Variants in DHX37 observed in about 807,000 individuals in gnomAD.
DHX37 encodes probable ATP-dependent RNA helicase DHX37.
A neutral mutation model predicts 134.3 loss-of-function variants in DHX37; 52 were observed. The observed-to-expected ratio is 0.39, with a 90% confidence interval of 0.31 to 0.49. DHX37 has a LOEUF of 0.49. DHX37 is among the 20% of genes least tolerant of loss of function. DHX37 has a pLI of 0.93. For synonymous variants in DHX37, 634 were observed against 670.7 expected (o/e 0.95, Z 0.85); for missense variants, 1,344 against 1,580.8 (o/e 0.85, Z 2.54).
intron 11 of DHX37, 37 bp from the exon 12 acceptor site, chr12:124,966,915 G>A: frequency 6.2e-7 from 1 of 1,613,326 alleles, no homozygotes; most frequent in Non-Finnish European, 8.5e-7. Context: ...AGGCGTCTGT[G>A]GCCGGCGTGG....
intron 25 of DHX37, 173 bp from the exon 26 acceptor site, chr12:124,948,354 G>A: frequency 8.2e-7 from 1 of 1,218,354 alleles, no homozygotes; most frequent in Non-Finnish European, 1.1e-6. Flanking sequence ...GGGGGCTGAA[G>A]TAGGAGGATC....
rs144986557 is a variant in DHX37, at chr12:124,980,404, G to A, written c.738+86C>T. ...GGACATGGAGGCACAGAGAAGGGAT[G>A]CCCTTGCCCCACTTCACCAGGACGC... On this transcript the variant is annotated intron_variant, in intron 4 of 26. Coordinates refer to ENST00000308736, the MANE Select transcript of DHX37 (RefSeq NM_032656.4). The surrounding 1 kb of genome is among the most constrained non-coding windows in gnomAD (Gnocchi z 5.3). 1.6e-5 allele frequency: 22 copies of A among 1,412,738 alleles called. No individual in the cohort carries two copies. Among genetic ancestry groups the A allele is most frequent in the Non-Finnish European group, 2.1e-5 (22 of 1,046,234 alleles). The allele number at this position is 1,412,738 out of a possible 1,614,324, so 87.5% of individuals were successfully genotyped here.
chr12:124,975,069 C>T (rs1954605665), intron 6 of DHX37, among the ~76,000 whole-genome samples: 1 of 152,230 alleles, frequency 6.6e-6, no homozygotes, highest in Admixed American at 6.5e-5. Flanking sequence ...AGCCACCACA[C>T]CCGGCCAAGA....
Position 124,953,965 on chromosome 12 carries a change from G to A in DHX37, c.2610C>T (p.Cys870=). ...GAVGACEYAS[C]TPQFCEANGL... is the part of the protein sequence containing the mutation. The stretch of plus-strand genomic sequence containing the variant: ...CGTTGGCTTCGCAAAACTGGGGTGT[G>A]CAGCTGGCATACTCACAGGCTCCCA... Residue 870 remains cysteine, a synonymous_variant, in exon 20 of 27, where the codon TGC becomes TGT. Transcript: ENST00000308736. The A allele has an allele frequency of 6.2e-7, 1 of 1,613,570 alleles. No individual in the cohort carries two copies. The highest frequency in any genetic ancestry group is 8.5e-7 in the Non-Finnish European group (1 of 1,179,968).
Position 124,963,713 on chromosome 12 carries a change from C to CA in DHX37, c.2045+680dup, listed in dbSNP as rs140757458. 5.1e-3 allele frequency among the ~76,000 whole-genome samples: 590 copies of CA among 115,418 alleles called. 4 individuals are homozygous for CA. Among genetic ancestry groups the CA allele is most frequent in the Middle Eastern group, 9.0e-3 (2 of 222 alleles). The allele number at this position is 115,418 out of a possible 152,430, so 75.7% of individuals were successfully genotyped here. A position where few individuals can be genotyped will look rare whatever the true frequency, so the allele number is the denominator to read the frequency against. ...TGAAAACCCATCTCTACTAAAAATA[C>CA]AAAAAAAAAAAAAAAAATTAGCCGG... On this transcript the variant is annotated intron_variant, in intron 15 of 26. Transcript: ENST00000308736.
rs150152903 is a variant in DHX37 at position 124,967,176 on chromosome 12, G to A, written c.1451C>T (p.Ala484Val). 1.1e-3 allele frequency: 1,845 copies of A among 1,613,806 alleles called. 5 individuals carry two copies. Among genetic ancestry groups the A allele is most frequent in the Non-Finnish European group, 1.4e-3 (1,682 of 1,180,024 alleles). The change falls in exon 11 of 27, where the codon GCG (alanine) becomes GTG (valine). Residue 484 changes from alanine (A) to valine (V), a missense_variant. Physicochemically the swap from Ala to Val is moderately conservative, Grantham distance 64 (BLOSUM62 0). Transcript: ENST00000308736. ...VFLTGQAEVHALCRRLRKAFP... is the reference protein window; with the variant it reads ...VFLTGQAEVHVLCRRLRKAFP... ...AGCCTTCCTGAGCCTGCGGCACAGC[G>A]CATGCACCTCAGCCTGCCCCGTCAG... is the stretch of plus-strand genomic sequence containing the variant.
chr12:124,964,139 G>C (rs1202717362), intron 15 of DHX37, among the ~76,000 whole-genome samples: 2 of 144,428 alleles, frequency 1.4e-5, no homozygotes, highest in African/African-American at 5.2e-5. Flanking sequence ...AGGTTGCAGT[G>C]AGTCGAGATC....
At chr12:124,960,555 G>A in intron 15 of DHX37, 132 bp from the exon 16 acceptor site, 2 of 1,425,978 alleles carry the variant, frequency 1.4e-6, no homozygotes, top group Non-Finnish European at 1.9e-6. Flanking sequence ...ATCTTCACCT[G>A]ACAGCAGGCA....
chr12:124,978,030 G>A (rs1251321257), intron 4 of DHX37, among the ~76,000 whole-genome samples: 5 of 152,116 alleles, frequency 3.3e-5, no homozygotes, highest in African/African-American at 9.7e-5. Flanking sequence ...GCGCGATCTC[G>A]GCTCACTGCA....
intron 6 of DHX37, among the ~76,000 whole-genome samples, chr12:124,972,844 C>T (rs1954547863): frequency 6.6e-6 from 1 of 152,244 alleles, no homozygotes; most frequent in Non-Finnish European, 1.5e-5. Flanking sequence ...CGGCCAGAGC[C>T]CTCCTCGGAT....
chr12:124,956,665 T>A, intron 18 of DHX37, 26 bp downstream of exon 18: 1 of 1,521,932 alleles, frequency 6.6e-7, no homozygotes, highest in Non-Finnish European at 8.9e-7. Context: ...AGCTTGGCCC[T>A]GAGTGCCCAG....
rs963531226 is a variant in DHX37 at position 124,950,440 on chromosome 12, C to A, written c.3094G>T (p.Val1032Leu). ...APTYCPERGR[V>L]LCHRASVFYR... ...AACACGCTGGCCCGGTGACACAGCACCCGCCCCCGCTCGGGGCAGTATGTA... is the reference window on the plus strand; with the variant it reads ...AACACGCTGGCCCGGTGACACAGCAACCGCCCCCGCTCGGGGCAGTATGTA... The change falls in exon 23 of 27, where the codon GTG becomes TTG. Residue 1032 changes from valine to leucine, a missense_variant. Physicochemically the swap from Val to Leu is conservative, Grantham distance 32. Around this residue, in one of 7 missense-constraint regions of DHX37, gnomAD observed 558 missense variants for 650.0 expected, o/e 0.86. Coordinates refer to ENST00000308736, the MANE Select transcript of DHX37 (RefSeq NM_032656.4). The A allele has an allele frequency of 6.3e-7, 1 of 1,594,116 alleles. No individual in the cohort carries two copies. The highest frequency in any genetic ancestry group is 8.5e-7 in the Non-Finnish European group (1 of 1,169,744).
intron 4 of DHX37, among the ~76,000 whole-genome samples, chr12:124,978,519 C>T (rs975809969): frequency 1.6e-4 from 24 of 145,848 alleles, no homozygotes; most frequent in Non-Finnish European, 2.6e-4. Flanking sequence ...GGTTTCACCA[C>T]GTTGGCCAGG....
In DHX37 at chr12:124,952,563, G is replaced by A. The variant is rs376053916; in HGVS notation, c.2703C>T (p.Ala901=). 74 of 1,584,080 alleles carry A rather than the reference G, an allele frequency of 4.7e-5. No homozygotes were observed. In the African/African-American group the frequency reaches 5.8e-4, roughly 12 times the overall value. The change falls in exon 21 of 27, where the codon GCC becomes GCT. Residue 901 remains alanine (A), a synonymous_variant. Transcript: ENST00000308736. ...LRGQLTTAVN[A]VCPEAELFVD... ...CGAAGAGCTCAGCCTCGGGGCACAC[G>A]GCATTGACTGAGGGGAGAACCAAGA...
chr12:124,965,612 C>A, intron 13 of DHX37, 56 bp downstream of exon 13: 2 of 1,527,184 alleles, frequency 1.3e-6, no homozygotes, highest in Non-Finnish European at 8.8e-7. Flanking sequence ...GGGCTCTGGG[C>A]ACATCCTCAG....
intron 18 of DHX37, among the ~76,000 whole-genome samples, 166 bp from the exon 19 acceptor site, chr12:124,954,377 A>G (rs1352440355): frequency 6.6e-6 from 1 of 151,494 alleles, no homozygotes; most frequent in Non-Finnish European, 1.5e-5. Context: ...ATTGGCAGCC[A>G]CCGCTGCACT....
chr12:124,960,545 A>G (rs951499904), intron 15 of DHX37, 122 bp from the exon 16 acceptor site: 3 of 1,468,958 alleles, frequency 2.0e-6, no homozygotes, highest in Admixed American at 2.3e-5. Context: ...CTGGGACTGG[A>G]TCTTCACCTG....
chr12:124,988,824 C>T, intron 1 of DHX37, 93 bp downstream of exon 1: 1 of 704,982 alleles, frequency 1.4e-6, no homozygotes, highest in Non-Finnish European at 2.1e-6. Context: ...TCCATCCCAC[C>T]CCTCTGGGAT....
rs200009651 is a variant in DHX37, at chr12:124,966,784, C to T, written c.1590+9G>A. ...ACTCTCCAGGAGTCCCTGCCAGCCC[C>T]CCACGTACCTCAGCCCGCGCCTTCT... is the stretch of plus-strand genomic sequence containing the variant. On this transcript the variant is annotated intron_variant, in intron 12 of 26. Transcript: ENST00000308736. 6.2e-7 allele frequency: 1 copy of T among 1,614,136 alleles called. No homozygotes were observed. Among genetic ancestry groups the T allele is most frequent in the Non-Finnish European group, 8.5e-7 (1 of 1,180,036 alleles).
Sources: allele counts gnomAD v4.1 joint callset (sites outside exome capture counted in the v4.1 genomes callset), GRCh38; gene constraint gnomAD v4.1.1; regional missense constraint gnomAD v4.1.1; non-coding constraint Gnocchi (gnomAD v3.1); transcripts MANE v1.5; gene names NCBI Gene and HGNC (gene_info 2026-07-23, HGNC 2026-07-21).